Variants in NUP98 observed in about 807,000 individuals in gnomAD.
NUP98 encodes the protein nucleoporin 98 and 96 precursor, also known as nuclear pore complex protein Nup98-Nup96.
In NUP98, 26 loss-of-function variants were observed where a neutral mutation model predicts 191.9. The observed-to-expected ratio is 0.14, with a 90% CI of 0.10 to 0.19. The LOEUF (loss-of-function observed/expected upper bound fraction) is 0.19, where lower values mean the gene tolerates loss of function less well. Among genes scored for constraint, NUP98 ranks in the 10% least tolerant of loss-of-function variants. The probability of loss-of-function intolerance (pLI) is 1.00; values close to 1 mark genes in which losing one functional copy is unlikely to be tolerated. For synonymous variants in NUP98, 808 were observed against 778.4 expected, an observed-to-expected ratio of 1.04 and a Z score of -0.63; for missense variants, 1,941 against 2,178.8, an observed-to-expected ratio of 0.89 and a Z score of 2.17.
Position 3,740,660 on chromosome 11 carries a change from A to C in NUP98, c.1408+3849T>G, listed in dbSNP as rs372026701. 2.3e-4 allele frequency among the ~76,000 whole-genome samples: 35 copies of C among 152,240 alleles called. No individual in the cohort carries two copies. In the East Asian group the frequency reaches 3.3e-3, roughly 14 times the overall value. Reference sequence around the variant, plus strand: ...GAAGGGCAACTACTGTGGTTACTGCAATCATCCCAGAGCTAAGAATCTGAC... The same window carrying C: ...GAAGGGCAACTACTGTGGTTACTGCCATCATCCCAGAGCTAAGAATCTGAC... On this transcript the variant is annotated intron_variant, in intron 12 of 32. Transcript: ENST00000324932.
At chr11:3,702,361 TCTCTCTCTAG>T in intron 23 of NUP98, 92 bp downstream of exon 23, 1 of 627,214 alleles carries the variant, frequency 1.6e-6, no homozygotes, top group Non-Finnish European at 2.6e-6. Context: ...TCTCTCTCTC[TCTCTCTCTAG>T]AAAGATGACA....
rs2079315671 is a variant in NUP98, at chr11:3,719,560, A to G, written c.2261-10T>C. On this transcript the variant is annotated splice_polypyrimidine_tract_variant and intron_variant, in intron 17 of 32. Transcript: ENST00000324932. ...TAGATTGAACCATAACCTATAAATC[A>G]GAGCAAATAGTTAAAAATTCATTCT... 1 of 1,528,762 alleles carries G rather than the reference A, an allele frequency of 6.5e-7. No homozygotes were observed. Among genetic ancestry groups the G allele is most frequent in the East Asian group, 2.5e-5 (1 of 40,724 alleles). 94.7% of individuals were successfully genotyped at this position (1,528,762 alleles called of 1,614,324 possible). A position where few individuals can be genotyped will look rare whatever the true frequency, so the allele number is the denominator to read the frequency against.
At chr11:3,719,753 TTTTTC>T (rs369045912) in intron 17 of NUP98, among the ~76,000 whole-genome samples, 1,519 of 151,896 alleles carry the variant, frequency 0.01, 15 homozygotes, top group Middle Eastern at 0.028. Context: ...AAAATCTGCA[TTTTTC>T]TTTTCTTTTC....
chr11:3,748,377 A>C (rs1001107948), intron 11 of NUP98, among the ~76,000 whole-genome samples: 1 of 152,200 alleles, frequency 6.6e-6, no homozygotes, highest in Non-Finnish European at 1.5e-5. Flanking sequence ...TAGCCTGGCC[A>C]AAATGGTGAA....
rs1014625515 is a variant in NUP98 at position 3,748,947 on chromosome 11, T to TA, written c.1268-4299dup. On this transcript the variant is annotated intron_variant, in intron 11 of 32. Coordinates refer to ENST00000324932, the MANE Select transcript of NUP98 (RefSeq NM_016320.5). Reference sequence around the variant, plus strand: ...CTGGGGTATAATGAGGAATTTTCATTAAAAAAAAAAAAACAATTATATAAC... The same window carrying TA: ...CTGGGGTATAATGAGGAATTTTCATTAAAAAAAAAAAAAACAATTATATAAC... Among the ~76,000 whole-genome samples the TA allele has an allele frequency of 7.8e-3, 1,079 of 138,518 alleles. 8 individuals carry two copies. The highest frequency in any genetic ancestry group is 0.032 in the East Asian group (158 of 4,866). 90.9% of individuals were successfully genotyped at this position (138,518 alleles called of 152,430 possible).
At chr11:3,770,042 C>CA (rs35812990) in intron 7 of NUP98, among the ~76,000 whole-genome samples, 63,507 of 128,912 alleles carry the variant, frequency 0.49, 14,527 homozygotes, top group African/African-American at 0.56. Context: ...AACTCCATCT[C>CA]AAAAAAAAAA....
At chr11:3,792,401 G>A (rs1050665881) in intron 1 of NUP98, among the ~76,000 whole-genome samples, 13 of 152,032 alleles carry the variant, frequency 8.6e-5, no homozygotes, top group Non-Finnish European at 1.5e-5. Context: ...CTTGATGTCA[G>A]GAGTTCCAGA....
chr11:3,731,359 C>T, intron 14 of NUP98, 32 bp downstream of exon 14: 1 of 1,412,000 alleles, frequency 7.1e-7, no homozygotes, highest in South Asian at 1.6e-5. Flanking sequence ...CAGTATTTTA[C>T]ACTTAATTTC....
intron 2 of NUP98, among the ~76,000 whole-genome samples, chr11:3,779,510 A>G (rs1243009032): frequency 6.6e-6 from 1 of 152,056 alleles, no homozygotes; most frequent in Non-Finnish European, 1.5e-5. Context: ...GCGTGGTGGC[A>G]CATGCCTATA....
At chr11:3,694,910 A>T (rs1159365383) in intron 26 of NUP98, among the ~76,000 whole-genome samples, 1 of 151,550 alleles carries the variant, frequency 6.6e-6, no homozygotes, top group African/African-American at 2.4e-5. Context: ...AAATGAACAA[A>T]ATATAAATAA....
intron 20 of NUP98, among the ~76,000 whole-genome samples, chr11:3,710,015 G>C (rs1021487039): frequency 1.4e-5 from 2 of 147,474 alleles, no homozygotes; most frequent in Admixed American, 6.7e-5. Context: ...AAAAAAAAAG[G>C]CTGAGGTAAA....
At chr11:3,774,687 C>T (rs993646534) in intron 5 of NUP98, among the ~76,000 whole-genome samples, 8 of 151,790 alleles carry the variant, frequency 5.3e-5, no homozygotes, top group African/African-American at 1.7e-4. Context: ...ACTGCGCTCC[C>T]GTCTGGCTGA....
intron 4 of NUP98, 99 bp from the exon 5 acceptor site, chr11:3,776,120 CAT>C: frequency 6.9e-6 from 4 of 579,100 alleles, no homozygotes; most frequent in East Asian, 3.7e-5. Context: ...CACAGTACTT[CAT>C]TTTTTTTTTT....
chr11:3,700,939 G>C, intron 23 of NUP98, 100 bp from the exon 24 acceptor site: 1 of 788,118 alleles, frequency 1.3e-6, no homozygotes, highest in South Asian at 1.8e-5. Context: ...GATTACAAAC[G>C]GAATGCAAAC....
In NUP98 at chr11:3,699,286, G is replaced by C. The variant is rs749439708; in HGVS notation, c.3805C>G (p.Leu1269Val). The change falls in exon 25 of 33, where the codon CTT (leucine) becomes GTT (valine). Residue 1269 changes from leucine (L) to valine (V), a missense_variant. Leu to Val is a conservative substitution (Grantham distance 32). This residue lies in a region of NUP98 where 1,030 missense variants were observed against 1,115.8 expected (regional missense o/e 0.92). Coordinates refer to ENST00000324932, the MANE Select transcript of NUP98 (RefSeq NM_016320.5). ...CEALWGHLKE[L>V]DSQLNEPREY... ...CGGGGTTCATTTAGCTGGCTGTCAA[G>C]CTCCTTCAGGTGGCCCCATAGGGCT... 3 of 1,614,060 alleles carry C rather than the reference G, an allele frequency of 1.9e-6. No individual in the cohort carries two copies. Among genetic ancestry groups the C allele is most frequent in the Non-Finnish European group, 1.7e-6 (2 of 1,180,036 alleles).
At chr11:3,784,165 G>C in intron 1 of NUP98, among the ~76,000 whole-genome samples, 1 of 152,162 alleles carries the variant, frequency 6.6e-6, no homozygotes, top group East Asian at 1.9e-4. Flanking sequence ...TCATATAATA[G>C]AATTAAATAT....
intron 20 of NUP98, among the ~76,000 whole-genome samples, chr11:3,708,476 G>T (rs566073920): frequency 2.0e-5 from 3 of 152,232 alleles, no homozygotes; most frequent in East Asian, 3.9e-4. Context: ...AAGGATCAAG[G>T]TTTTATTTAT....
Position 3,706,601 on chromosome 11 carries a change from T to G in NUP98, c.2769A>C (p.Leu923Phe). The stretch of plus-strand genomic sequence containing the variant: ...CACTGTCCAGTTCCACAACCCTCCC[T>G]AACTGCTCCACCTCTGGGCTCTGGC... Reference protein sequence around the residue: ...PQSQSPEVEQLGRVVELDSDM... With the variant: ...PQSQSPEVEQFGRVVELDSDM... The change falls in exon 21 of 33, where the codon TTA (leucine) becomes TTC (phenylalanine). Residue 923 changes from leucine to phenylalanine, a missense_variant. This residue lies in a region of NUP98 where 1,030 missense variants were observed against 1,115.8 expected (regional missense o/e 0.92). Transcript: ENST00000324932. 6.2e-7 allele frequency: 1 copy of G among 1,613,992 alleles called. No homozygotes were observed. The highest frequency in any genetic ancestry group is 8.5e-7 in the Non-Finnish European group (1 of 1,179,998).
chr11:3,737,555 A>G (rs1041486754), intron 12 of NUP98, among the ~76,000 whole-genome samples: 7 of 152,172 alleles, frequency 4.6e-5, no homozygotes, highest in African/African-American at 1.7e-4. Flanking sequence ...TGAACCCAGG[A>G]TACAGAGCTG....
Sources: gnomAD v4.1 joint callset for allele counts (sites outside exome capture counted in the v4.1 genomes callset) on GRCh38, gnomAD v4.1.1 for gene constraint, gnomAD v4.1.1 regional missense constraint, MANE v1.5 for transcripts, NCBI Gene and HGNC (gene_info 2026-07-23, HGNC 2026-07-21) for gene names.